Variants in USO1 observed in about 807,000 individuals in gnomAD.
USO1 encodes the protein general vesicular transport factor p115.
USO1 carries 57 observed loss-of-function variants against 124.5 expected under a neutral mutation model. That is an observed-to-expected ratio of 0.46 (90% CI 0.37 to 0.57). The LOEUF is 0.57. Ranked by LOEUF, USO1 falls within the 20% of genes least tolerant of loss-of-function variation. The pLI, the probability that USO1 is intolerant of heterozygous loss-of-function variation, is 0.00. For missense variants in USO1, 900 were observed against 1,040.6 expected (o/e 0.86, Z 1.86); for synonymous variants, 369 against 362.8 (o/e 1.02, Z -0.19).
chr4:75,794,738 T>G lies in USO1; in HGVS notation c.1452+837T>G, dbSNP rs552052769. Among the ~76,000 whole-genome samples the G allele has an allele frequency of 9.2e-5, 14 of 152,350 alleles. 1 individual carries two copies. The South Asian group carries it at 2.9e-3, about 32-fold the overall frequency. On this transcript the variant is annotated intron_variant, in intron 13 of 23. Coordinates refer to ENST00000514213, the MANE Select transcript of USO1 (RefSeq NM_003715.4). ...TTCTTTAGTTTTAATCCTGCCACACTCGTTGAATTTTTCCTTATTTTGAGC... is the reference window on the plus strand; with the variant it reads ...TTCTTTAGTTTTAATCCTGCCACACGCGTTGAATTTTTCCTTATTTTGAGC...
chr4:75,741,208 G>T (rs1300312240), intron 1 of USO1, among the ~76,000 whole-genome samples: 6 of 152,114 alleles, frequency 3.9e-5, no homozygotes, highest in African/African-American at 1.4e-4. Flanking sequence ...AAATATTTGT[G>T]TATCTATGCA....
chr4:75,791,315 G>C (rs1386909062), intron 12 of USO1, among the ~76,000 whole-genome samples: 1 of 152,208 alleles, frequency 6.6e-6, no homozygotes, highest in Non-Finnish European at 1.5e-5. Flanking sequence ...CCTAAGACCA[G>C]GAGTTCGAGA....
chr4:75,768,773 G>C (rs749713609), intron 4 of USO1, among the ~76,000 whole-genome samples: 1 of 152,156 alleles, frequency 6.6e-6, no homozygotes, highest in African/African-American at 2.4e-5. Flanking sequence ...GGTTTTTGTA[G>C]TTGCACTTTG....
At chr4:75,789,817 G>A (rs904035492) in intron 10 of USO1, among the ~76,000 whole-genome samples, 1 of 151,740 alleles carries the variant, frequency 6.6e-6, no homozygotes, top group Admixed American at 6.5e-5. Flanking sequence ...ATAGAGAATA[G>A]TATAGTTTTT....
intron 3 of USO1, among the ~76,000 whole-genome samples, chr4:75,753,284 A>G (rs891440185): frequency 6.6e-6 from 1 of 151,968 alleles, no homozygotes; most frequent in Admixed American, 6.6e-5. Flanking sequence ...CTGTAATCCC[A>G]GCACTTTGGG....
At chr4:75,763,080 G>T (rs947592627) in intron 4 of USO1, among the ~76,000 whole-genome samples, 10 of 152,136 alleles carry the variant, frequency 6.6e-5, no homozygotes, top group Admixed American at 2.0e-4. Flanking sequence ...TATAGATTGT[G>T]AACTTAGTAT....
intron 20 of USO1, among the ~76,000 whole-genome samples, chr4:75,807,370 CT>C (rs879512005): frequency 3.2e-3 from 463 of 144,004 alleles, no homozygotes; most frequent in Non-Finnish European, 3.2e-3. Context: ...GAAATGCATA[CT>C]TTTTTTTTTT....
At position 75,791,871 on chromosome 4, in the gene USO1, T is replaced by C. The variant is rs1722541981; in HGVS notation, c.1240+1074T>C. The stretch of plus-strand genomic sequence containing the variant: ...TAATGAAAATAAGACCCTGATGTAG[T>C]AGAATGATCAAAATGTGGCATTTCC... On this transcript the variant is annotated intron_variant, in intron 12 of 23. Coordinates refer to ENST00000514213, the MANE Select transcript of USO1 (RefSeq NM_003715.4). Among the ~76,000 whole-genome samples, 3 of 152,152 alleles carry C rather than the reference T, an allele frequency of 2.0e-5. No individual in the cohort carries two copies. The South Asian group carries it at 6.2e-4, about 32-fold the overall frequency.
chr4:75,808,530 T>G (rs907098785), intron 20 of USO1, among the ~76,000 whole-genome samples: 1 of 152,192 alleles, frequency 6.6e-6, no homozygotes, highest in South Asian at 2.1e-4. Flanking sequence ...TCATTGTAAG[T>G]CAGGTACTAT....
chr4:75,772,486 C>T (rs1721960130), intron 7 of USO1, among the ~76,000 whole-genome samples: 1 of 152,074 alleles, frequency 6.6e-6, no homozygotes, highest in Non-Finnish European at 1.5e-5. Context: ...ATCCACCCAC[C>T]TCGACCTCCC....
chr4:75,783,512 A>C (rs2149176225), intron 9 of USO1, among the ~76,000 whole-genome samples: 1 of 152,288 alleles, frequency 6.6e-6, no homozygotes, highest in East Asian at 1.9e-4. Context: ...CCTTTATTGA[A>C]TCCTCCTTCT....
At chr4:75,749,937 T>C (rs1577935716) in intron 1 of USO1, among the ~76,000 whole-genome samples, 1 of 152,018 alleles carries the variant, frequency 6.6e-6, no homozygotes, top group East Asian at 1.9e-4. Flanking sequence ...GCATTTTTAG[T>C]AGAGACAGGG....
intron 8 of USO1, among the ~76,000 whole-genome samples, chr4:75,778,279 A>G (rs562867376): frequency 1.1e-4 from 17 of 152,298 alleles, no homozygotes; most frequent in African/African-American, 3.4e-4. Context: ...CGTTGTATGT[A>G]TTATATACTC....
chr4:75,754,268 A>G (rs1262186893), intron 3 of USO1, among the ~76,000 whole-genome samples: 1 of 151,748 alleles, frequency 6.6e-6, no homozygotes, highest in African/African-American at 2.4e-5. Context: ...TGTTTAATAG[A>G]GATGGGGTTT....
At chr4:75,748,497 G>C (rs80213850) in intron 1 of USO1, among the ~76,000 whole-genome samples, 1,796 of 152,244 alleles carry the variant, frequency 0.012, 35 homozygotes, top group African/African-American at 0.042. Context: ...CCATCCTCCA[G>C]TATTTCTAAA....
Position 75,771,000 on chromosome 4 carries a change from T to C in USO1, c.499+76T>C, listed in dbSNP as rs1353023071. The C allele has an allele frequency of 1.9e-6, 3 of 1,597,418 alleles. No individual in the cohort carries two copies. The African/African-American group carries it at 4.1e-5, about 22-fold the overall frequency. Reference sequence around the variant, plus strand: ...TTCCTAGAGAAAGGGACTGAAATGGTGTGTTAGTAAATTGTTAATAATTTG... The same window carrying C: ...TTCCTAGAGAAAGGGACTGAAATGGCGTGTTAGTAAATTGTTAATAATTTG... On this transcript the variant is annotated intron_variant, in intron 6 of 23. Transcript: ENST00000514213.
intron 4 of USO1, among the ~76,000 whole-genome samples, chr4:75,760,384 G>T (rs1036684606): frequency 6.6e-6 from 1 of 152,134 alleles, no homozygotes; most frequent in Non-Finnish European, 1.5e-5. Flanking sequence ...TGATAAATCT[G>T]TCTCGTAGTC....
intron 1 of USO1, among the ~76,000 whole-genome samples, chr4:75,741,471 A>C (rs908805278): frequency 6.6e-6 from 1 of 152,274 alleles, no homozygotes; most frequent in East Asian, 1.9e-4. Flanking sequence ...TAACTTCATA[A>C]AGTTTTAAAC....
intron 13 of USO1, among the ~76,000 whole-genome samples, chr4:75,794,381 T>G (rs1722621540): frequency 6.6e-6 from 1 of 152,210 alleles, no homozygotes; most frequent in African/African-American, 2.4e-5. Flanking sequence ...TCTTCAATCC[T>G]TAAGTCCCCG....
Sources: allele counts gnomAD v4.1 joint callset (sites outside exome capture counted in the v4.1 genomes callset), GRCh38; gene constraint gnomAD v4.1.1; transcripts MANE v1.5; gene names NCBI Gene and HGNC (gene_info 2026-07-23, HGNC 2026-07-21).